Variants in TOB2 observed in about 807,000 individuals in gnomAD.
The protein encoded by TOB2 is transducer of ERBB2, 2, also known as protein Tob2.
TOB2 carries 3 observed loss-of-function variants against 17.3 expected under a neutral mutation model. The observed-to-expected ratio is 0.17, with a 90% CI of 0.08 to 0.45. The LOEUF (loss-of-function observed/expected upper bound fraction) is 0.45, where lower values mean the gene tolerates loss of function less well. Ranked by LOEUF, TOB2 falls within the 20% of genes least tolerant of loss-of-function variation. TOB2 has a pLI of 0.99. For synonymous variants in TOB2, 163 were observed against 185.6 expected, an observed-to-expected ratio of 0.88 and a Z score of 0.99; for missense variants, 407 against 445.7, an observed-to-expected ratio of 0.91 and a Z score of 0.78.
chr22:41,442,302 CTT>C (rs2037629348), intron 1 of TOB2, among the ~76,000 whole-genome samples: 1 of 152,100 alleles, frequency 6.6e-6, no homozygotes, highest in East Asian at 1.9e-4. Context: ...GTTTCTACAC[CTT>C]TCTAAGCCTC....
At chr22:41,446,117 C>G (rs1314785980) in intron 1 of TOB2, among the ~76,000 whole-genome samples, 1 of 152,086 alleles carries the variant, frequency 6.6e-6, no homozygotes, top group Non-Finnish European at 1.5e-5. Flanking sequence ...TGCACCCCAC[C>G]CAGGAGAGGG....
rs1467002095 is a variant in TOB2 at position 41,435,872 on chromosome 22, G to A, written c.*439C>T. On this transcript the variant is annotated 3_prime_UTR_variant, in exon 2 of 2. Transcript: ENST00000327492. ...CACGGGCCAGCCTCTCCCTGTTCCAGGGAGGGTCAGGCTCCAGCTGCAGCT... is the reference window on the plus strand; with the variant it reads ...CACGGGCCAGCCTCTCCCTGTTCCAAGGAGGGTCAGGCTCCAGCTGCAGCT... 6.5e-6 allele frequency: 1 copy of A among 153,890 alleles called. No homozygotes were observed. Among genetic ancestry groups the A allele is most frequent in the African/African-American group, 2.4e-5 (1 of 41,480 alleles). The allele number at this position is 153,890 out of a possible 1,614,324, so 9.5% of individuals were successfully genotyped here.
chr22:41,443,088 A>C (rs920503172), intron 1 of TOB2, among the ~76,000 whole-genome samples: 1 of 152,212 alleles, frequency 6.6e-6, no homozygotes, highest in Admixed American at 6.5e-5. Flanking sequence ...TCACTTGTTT[A>C]CTTCCAGCAG....
rs1325789529 is a variant in TOB2, at chr22:41,441,133, C to T, written c.-62-3726G>A. ...GAGATTGAGACCATCCTGGCTAACACGGTGAAACCCCATCTCTATAAAAAT... is the reference window on the plus strand; with the variant it reads ...GAGATTGAGACCATCCTGGCTAACATGGTGAAACCCCATCTCTATAAAAAT... On this transcript the variant is annotated intron_variant, in intron 1 of 1. Transcript: ENST00000327492. Among the ~76,000 whole-genome samples the T allele has an allele frequency of 2.6e-5, 4 of 151,600 alleles. 1 individual carries two copies. The highest frequency in any genetic ancestry group is 7.3e-5 in the African/African-American group (3 of 41,250).
chr22:41,439,166 G>A (rs1043967762), intron 1 of TOB2, among the ~76,000 whole-genome samples: 5 of 152,150 alleles, frequency 3.3e-5, no homozygotes, highest in African/African-American at 7.2e-5. Flanking sequence ...GGGAGAAACT[G>A]AACTGAAAGA....
chr22:41,436,888 G>C lies in TOB2; in HGVS notation c.458C>G (p.Ser153Cys). The change falls in exon 2 of 2, where the codon TCC (serine) becomes TGC (cysteine). Residue 153 changes from serine to cysteine, a missense_variant. By Grantham distance (112) the Ser-to-Cys change is moderately radical. Transcript: ENST00000327492. The surrounding 1 kb of genome is among the most constrained non-coding windows in gnomAD (Gnocchi z 4.8). ...IGSQDSSLSN[S>C]PSPSFGQSPS... Reference sequence around the variant, plus strand: ...TGACTGGCCAAAGGATGGCGATGGGGAGTTGGACAGGGAGCTGTCCTGGCT... The same window carrying C: ...TGACTGGCCAAAGGATGGCGATGGGCAGTTGGACAGGGAGCTGTCCTGGCT... The C allele has an allele frequency of 6.2e-7, 1 of 1,614,224 alleles. No homozygotes were observed. Among genetic ancestry groups the C allele is most frequent in the South Asian group, 1.1e-5 (1 of 91,092 alleles).
At chr22:41,446,203 G>A (rs2146043926) in intron 1 of TOB2, among the ~76,000 whole-genome samples, 176 bp downstream of exon 1, 1 of 152,354 alleles carries the variant, frequency 6.6e-6, no homozygotes, top group East Asian at 1.9e-4. Context: ...AGGAGCTGGG[G>A]AAAGTGGGGT....
At chr22:41,441,696 A>G (rs1484957631) in intron 1 of TOB2, among the ~76,000 whole-genome samples, 1 of 151,944 alleles carries the variant, frequency 6.6e-6, no homozygotes, top group African/African-American at 2.4e-5. Flanking sequence ...GGTGGATCAC[A>G]AGGTCAGGAG....
In TOB2 at chr22:41,436,271, G is replaced by T; in HGVS notation, c.*40C>A. 2.7e-6 allele frequency: 4 copies of T among 1,481,330 alleles called. No homozygotes were observed. Among genetic ancestry groups the T allele is most frequent in the East Asian group, 2.3e-5 (1 of 43,250 alleles). 91.8% of individuals were successfully genotyped at this position (1,481,330 alleles called of 1,614,324 possible). A position where few individuals can be genotyped will look rare whatever the true frequency, so the allele number is the denominator to read the frequency against. On this transcript the variant is annotated 3_prime_UTR_variant, in exon 2 of 2. Transcript: ENST00000327492. The surrounding 1 kb of genome is among the most constrained non-coding windows in gnomAD (Gnocchi z 4.8). ...TTTTGGCCTTTCCTTTCTCTTTTCT[G>T]TGGTCTTGGGTGCTCCTGGCCCCAC...
At chr22:41,443,841 T>C (rs542947436) in intron 1 of TOB2, among the ~76,000 whole-genome samples, 1 of 151,800 alleles carries the variant, frequency 6.6e-6, no homozygotes, top group African/African-American at 2.4e-5. Context: ...CAGGCTAGTC[T>C]CGAACTCCCG....
At chr22:41,444,642 A>G (rs1436238578) in intron 1 of TOB2, among the ~76,000 whole-genome samples, 3 of 152,232 alleles carry the variant, frequency 2.0e-5, no homozygotes, top group African/African-American at 7.2e-5. Flanking sequence ...TCCGATGCAC[A>G]TGCGCGCTGA....
chr22:41,438,667 A>G (rs2146032382), intron 1 of TOB2, among the ~76,000 whole-genome samples: 1 of 148,278 alleles, frequency 6.7e-6, no homozygotes, highest in East Asian at 2.1e-4. Flanking sequence ...AAAAAGGAAT[A>G]AGACATAAGA....
chr22:41,436,297 G>A lies in TOB2; in HGVS notation c.*14C>T, dbSNP rs757290970. 8 of 1,535,920 alleles carry A rather than the reference G, an allele frequency of 5.2e-6. No homozygotes were observed. The highest frequency in any genetic ancestry group is 7.0e-6 in the Non-Finnish European group (8 of 1,141,392). On this transcript the variant is annotated 3_prime_UTR_variant, in exon 2 of 2. Coordinates refer to ENST00000327492, the MANE Select transcript of TOB2 (RefSeq NM_016272.4). The surrounding 1 kb of genome is among the most constrained non-coding windows in gnomAD (Gnocchi z 4.8). ...TGGTCTTGGGTGCTCCTGGCCCCAC[G>A]GGCAGGTAGATGGTCAGTTGGCCAG...
At chr22:41,439,521 ATGTATG>A (rs1307456108) in intron 1 of TOB2, among the ~76,000 whole-genome samples, 3 of 111,406 alleles carry the variant, frequency 2.7e-5, no homozygotes, top group African/African-American at 1.0e-4. Context: ...GTATGTATGT[ATGTATG>A]TATGTGGAGA....
chr22:41,439,328 T>G (rs2037588210), intron 1 of TOB2, among the ~76,000 whole-genome samples: 1 of 152,186 alleles, frequency 6.6e-6, no homozygotes, highest in African/African-American at 2.4e-5. Flanking sequence ...GGATTTTGAT[T>G]CAAATCCTTT....
chr22:41,444,018 TCA>T (rs1009465094), intron 1 of TOB2, among the ~76,000 whole-genome samples: 15 of 152,270 alleles, frequency 9.9e-5, no homozygotes, highest in Admixed American at 4.6e-4. Context: ...AAAAAGATAC[TCA>T]GACACCTCTA....
At position 41,434,822 on chromosome 22, in the gene TOB2, A is replaced by G. The variant is rs1384735274; in HGVS notation, c.*1489T>C. The G allele has an allele frequency of 6.6e-6, 1 of 152,392 alleles. No individual in the cohort carries two copies. The highest frequency in any genetic ancestry group is 1.5e-5 in the Non-Finnish European group (1 of 68,046). The allele number at this position is 152,392 out of a possible 1,614,324, so 9.4% of individuals were successfully genotyped here. Reference sequence around the variant, plus strand: ...AGCCCTCTCCTGGCAGAGGCAGGAGAGCAAGTGCTCTCCTATGATCCAATA... The same window carrying G: ...AGCCCTCTCCTGGCAGAGGCAGGAGGGCAAGTGCTCTCCTATGATCCAATA... On this transcript the variant is annotated 3_prime_UTR_variant, in exon 2 of 2. Transcript: ENST00000327492.
intron 1 of TOB2, among the ~76,000 whole-genome samples, chr22:41,444,622 A>T (rs1015218495): frequency 6.6e-6 from 1 of 152,258 alleles, no homozygotes; most frequent in African/African-American, 2.4e-5. Context: ...CGAAGAGCCC[A>T]GGAAAAGTTT....
At position 41,435,745 on chromosome 22, in the gene TOB2, G is replaced by C. The variant is rs2037538240; in HGVS notation, c.*566C>G. 6.5e-6 allele frequency: 1 copy of C among 152,802 alleles called. No homozygotes were observed. The highest frequency in any genetic ancestry group is 6.5e-5 in the Admixed American group (1 of 15,292). 9.5% of individuals were successfully genotyped at this position (152,802 alleles called of 1,614,324 possible). On this transcript the variant is annotated 3_prime_UTR_variant, in exon 2 of 2. Transcript: ENST00000327492. ...TCCCTGTGGCCCAGCCTGAAAGGGAGTGGGGACTGGGGTCAGACCTATTCA... is the reference window on the plus strand; with the variant it reads ...TCCCTGTGGCCCAGCCTGAAAGGGACTGGGGACTGGGGTCAGACCTATTCA...
Sources: allele counts gnomAD v4.1 joint callset (sites outside exome capture counted in the v4.1 genomes callset), GRCh38; gene constraint gnomAD v4.1.1; non-coding constraint Gnocchi (gnomAD v3.1); transcripts MANE v1.5; gene names NCBI Gene and HGNC (gene_info 2026-07-23, HGNC 2026-07-21).